Variants in COLEC12 observed in about 807,000 individuals in gnomAD.
The protein encoded by COLEC12 is collectin subfamily member 12, also known as collectin-12.
Under a neutral mutation model 71.1 loss-of-function variants are expected in COLEC12, and 33 were observed. That is an observed-to-expected ratio of 0.46 (90% CI 0.35 to 0.62). The LOEUF is 0.62. COLEC12 is among the 20% of genes least tolerant of loss of function. The pLI is 0.00. For synonymous variants in COLEC12, 350 were observed against 353.0 expected, an observed-to-expected ratio of 0.99 and a Z score of 0.10; for missense variants, 765 against 916.1, an observed-to-expected ratio of 0.84 and a Z score of 2.13.
At chr18:369,795 C>G (rs1237384319) in intron 2 of COLEC12, among the ~76,000 whole-genome samples, 2 of 152,140 alleles carry the variant, frequency 1.3e-5, no homozygotes, top group African/African-American at 4.8e-5. Flanking sequence ...TGACCAACCA[C>G]CCTGAACGTG....
At chr18:378,714 C>T (rs1471947505) in intron 2 of COLEC12, among the ~76,000 whole-genome samples, 1 of 152,196 alleles carries the variant, frequency 6.6e-6, no homozygotes, top group African/African-American at 2.4e-5. Flanking sequence ...ACTAGGAGAA[C>T]CATGTTTTAT....
chr18:455,940 T>C (rs1315413914), intron 2 of COLEC12, among the ~76,000 whole-genome samples: 1 of 152,182 alleles, frequency 6.6e-6, no homozygotes, highest in Non-Finnish European at 1.5e-5. Context: ...AATAGTTCTT[T>C]GCTATTGTAA....
intron 9 of COLEC12, 97 bp downstream of exon 9, chr18:321,565 T>C: frequency 7.5e-7 from 1 of 1,327,676 alleles, no homozygotes; most frequent in South Asian, 1.4e-5. Flanking sequence ...GAAACCTAAT[T>C]GCAGTGCCTG....
At chr18:469,485 T>C (rs1313455184) in intron 2 of COLEC12, among the ~76,000 whole-genome samples, 2 of 152,216 alleles carry the variant, frequency 1.3e-5, no homozygotes, top group African/African-American at 4.8e-5. Context: ...GTAGTAAACG[T>C]CACATCACTT....
intron 2 of COLEC12, among the ~76,000 whole-genome samples, chr18:374,681 AG>A (rs746435679): frequency 6.6e-6 from 1 of 152,194 alleles, no homozygotes; most frequent in East Asian, 1.9e-4. Context: ...GTCTCCACTG[AG>A]GGGGCAATTC....
intron 2 of COLEC12, among the ~76,000 whole-genome samples, chr18:405,650 C>G (rs1344954187): frequency 6.6e-6 from 1 of 152,214 alleles, no homozygotes; most frequent in African/African-American, 2.4e-5. Context: ...ACAGGTATTT[C>G]AATCACGCTG....
intron 5 of COLEC12, among the ~76,000 whole-genome samples, chr18:335,585 A>T (rs1462352870): frequency 2.0e-5 from 3 of 152,188 alleles, no homozygotes; most frequent in Non-Finnish European, 2.9e-5. Context: ...TAGAGGAAAG[A>T]TCGCTTGAGG....
intron 2 of COLEC12, among the ~76,000 whole-genome samples, chr18:470,220 A>AC (rs1917166515): frequency 1.1e-5 from 1 of 92,354 alleles, no homozygotes; most frequent in Non-Finnish European, 2.0e-5. Flanking sequence ...AGGCCAGGAA[A>AC]TTTTTTTTTT....
At chr18:394,474 G>A (rs752334606) in intron 2 of COLEC12, among the ~76,000 whole-genome samples, 9 of 152,222 alleles carry the variant, frequency 5.9e-5, no homozygotes, top group Admixed American at 1.3e-4. Flanking sequence ...AATACCACAT[G>A]AAAATGGCAT....
chr18:457,634 A>G lies in COLEC12; in HGVS notation c.58+23073T>C, dbSNP rs1916898797. Among the ~76,000 whole-genome samples, 5 of 152,196 alleles carry G rather than the reference A, an allele frequency of 3.3e-5. No homozygotes were observed. The South Asian group carries it at 1.0e-3, about 31-fold the overall frequency. ...GAGCAGTTGCGAAATGGATGCCCAC[A>G]AAGCCTGGTGTTTATTTACTTAAAA... On this transcript the variant is annotated intron_variant, in intron 2 of 9. Coordinates refer to ENST00000400256, the MANE Select transcript of COLEC12 (RefSeq NM_130386.3).
intron 2 of COLEC12, among the ~76,000 whole-genome samples, chr18:387,963 T>G (rs756221688): frequency 6.8e-6 from 1 of 147,032 alleles, no homozygotes; most frequent in African/African-American, 2.5e-5. Context: ...TAGGAAAAAT[T>G]AATGCATGGG....
At position 334,968 on chromosome 18, in the gene COLEC12, G is replaced by A. The variant is rs779255664; in HGVS notation, c.1590C>T (p.Gly530=). Residue 530 remains glycine (G), a synonymous_variant, in exon 6 of 10, where the codon GGC becomes GGT. Coordinates refer to ENST00000400256, the MANE Select transcript of COLEC12 (RefSeq NM_130386.3). ...QGSSGDPGPP[G]PPGKEGLPGP... Reference sequence around the variant, plus strand: ...CGGGGAGTCCCTCTTTGCCTGGTGGGCCCGGGGGGCCTGGGTCCCCACTGG... The same window carrying A: ...CGGGGAGTCCCTCTTTGCCTGGTGGACCCGGGGGGCCTGGGTCCCCACTGG... The A allele has an allele frequency of 1.3e-6, 2 of 1,561,444 alleles. No homozygotes were observed. Among genetic ancestry groups the A allele is most frequent in the East Asian group, 2.3e-5 (1 of 43,174 alleles).
At chr18:392,274 T>G (rs1371246474) in intron 2 of COLEC12, among the ~76,000 whole-genome samples, 1 of 152,188 alleles carries the variant, frequency 6.6e-6, no homozygotes, top group Admixed American at 6.5e-5. Flanking sequence ...TCACTACTCT[T>G]CTGGATAACT....
At chr18:386,345 G>A (rs1915345607) in intron 2 of COLEC12, among the ~76,000 whole-genome samples, 2 of 152,180 alleles carry the variant, frequency 1.3e-5, no homozygotes, top group Admixed American at 1.3e-4. Flanking sequence ...TGCCATCTTG[G>A]AACCCTAGAA....
At chr18:374,963 G>T (rs1407223240) in intron 2 of COLEC12, among the ~76,000 whole-genome samples, 1 of 152,230 alleles carries the variant, frequency 6.6e-6, no homozygotes, top group Admixed American at 6.5e-5. Flanking sequence ...AAGTTCATCT[G>T]TTGTTAAAAT....
At position 346,254 on chromosome 18, in the gene COLEC12, T is replaced by C. The variant is rs755402766; in HGVS notation, c.1327+41A>G. 7 of 1,418,256 alleles carry C rather than the reference T, an allele frequency of 4.9e-6. No homozygotes were observed. Among genetic ancestry groups the C allele is most frequent in the Non-Finnish European group, 5.8e-6 (6 of 1,034,236 alleles). The allele number at this position is 1,418,256 out of a possible 1,614,324, so 87.9% of individuals were successfully genotyped here. ...TTTAGAGTAACTTGTTATGCAGCAA[T>C]AAACAACTAATACAAATACAAATTC... On this transcript the variant is annotated intron_variant, in intron 5 of 9. Coordinates refer to ENST00000400256, the MANE Select transcript of COLEC12 (RefSeq NM_130386.3). The surrounding 1 kb of genome is among the most constrained non-coding windows in gnomAD (Gnocchi z 4.0).
intron 2 of COLEC12, among the ~76,000 whole-genome samples, chr18:442,740 T>A (rs1455658931): frequency 6.6e-6 from 1 of 152,210 alleles, no homozygotes; most frequent in Admixed American, 6.5e-5. Flanking sequence ...GGCAGGCGGA[T>A]CACGAGGTAA....
chr18:379,570 A>G (rs1915187419), intron 2 of COLEC12, among the ~76,000 whole-genome samples: 1 of 152,226 alleles, frequency 6.6e-6, no homozygotes, highest in South Asian at 2.1e-4. Flanking sequence ...GTAGAGAGAA[A>G]GACCTAACTT....
At chr18:465,227 C>T (rs1917062162) in intron 2 of COLEC12, among the ~76,000 whole-genome samples, 1 of 152,130 alleles carries the variant, frequency 6.6e-6, no homozygotes, top group Non-Finnish European at 1.5e-5. Flanking sequence ...CCCAGCCTCC[C>T]GAGTAGCTGG....
Sources: gnomAD v4.1 joint callset for allele counts (sites outside exome capture counted in the v4.1 genomes callset) on GRCh38, gnomAD v4.1.1 for gene constraint, Gnocchi (gnomAD v3.1) non-coding constraint, MANE v1.5 for transcripts, NCBI Gene and HGNC (gene_info 2026-07-23, HGNC 2026-07-21) for gene names.